Variants in RXFP1 observed in about 807,000 individuals in gnomAD.
RXFP1 encodes relaxin family peptide receptor 1.
RXFP1 carries 73 observed loss-of-function variants against 89.8 expected under a neutral mutation model. The observed-to-expected ratio is 0.81, with a 90% confidence interval of 0.67 to 0.99. The LOEUF is 0.99. Among genes scored for constraint, RXFP1 ranks in the 50% least tolerant of loss-of-function variants. The probability of loss-of-function intolerance (pLI) is 0.00; values close to 1 mark genes in which losing one functional copy is unlikely to be tolerated. For missense variants in RXFP1, 793 were observed against 895.5 expected, an observed-to-expected ratio of 0.89 and a Z score of 1.46; for synonymous variants, 277 against 305.5, an observed-to-expected ratio of 0.91 and a Z score of 0.97.
chr4:158,522,487 T>G (rs1741428002), intron 1 of RXFP1, among the ~76,000 whole-genome samples: 1 of 152,184 alleles, frequency 6.6e-6, no homozygotes, highest in Non-Finnish European at 1.5e-5. Flanking sequence ...AAAACTCTTT[T>G]TATTTAGCAA....
At position 158,599,330 on chromosome 4, in the gene RXFP1, C is replaced by A. The variant is rs371018779; in HGVS notation, c.291C>A (p.Val97=). 1.1e-5 allele frequency: 18 copies of A among 1,613,610 alleles called. No homozygotes were observed. The highest frequency in any genetic ancestry group is 1.7e-5 in the Admixed American group (1 of 59,968). Reference sequence around the variant, plus strand: ...TACCACTTCCCCTTGATTCAGTGGTCGGTTCTGTGCCAGTGCAATGTCTTT... The same window carrying A: ...TACCACTTCCCCTTGATTCAGTGGTAGGTTCTGTGCCAGTGCAATGTCTTT... ...PFEAETPECL[V]GSVPVQCLCQ... The change falls in exon 4 of 18, where the codon GTC becomes GTA. Residue 97 remains valine (V), a synonymous_variant. Coordinates refer to ENST00000307765, the MANE Select transcript of RXFP1 (RefSeq NM_021634.4).
intron 1 of RXFP1, among the ~76,000 whole-genome samples, chr4:158,546,794 G>A (rs2149861942): frequency 6.6e-6 from 1 of 152,024 alleles, no homozygotes; most frequent in Admixed American, 6.6e-5. Context: ...TCCCAGGGAT[G>A]AAGCCCACTT....
intron 9 of RXFP1, among the ~76,000 whole-genome samples, chr4:158,618,535 G>C (rs1414645263): frequency 6.6e-6 from 1 of 151,888 alleles, no homozygotes; most frequent in Admixed American, 6.6e-5. Flanking sequence ...ATTCCTGATA[G>C]TGAATATTAT....
chr4:158,574,276 G>A (rs548397971), intron 2 of RXFP1, among the ~76,000 whole-genome samples: 11 of 152,240 alleles, frequency 7.2e-5, no homozygotes, highest in African/African-American at 2.6e-4. Flanking sequence ...TGCTAATGAG[G>A]CCTTGCTGTG....
At chr4:158,596,489 A>G (rs1760637440) in intron 3 of RXFP1, among the ~76,000 whole-genome samples, 1 of 151,868 alleles carries the variant, frequency 6.6e-6, no homozygotes, top group Admixed American at 6.6e-5. Flanking sequence ...TGAACTCCCA[A>G]CCTCAGGTGA....
rs539868608 is a variant in RXFP1 at position 158,567,646 on chromosome 4, A to G, written c.50-5052A>G. Among the ~76,000 whole-genome samples the G allele has an allele frequency of 6.6e-5, 10 of 152,280 alleles. No homozygotes were observed. The South Asian group carries it at 2.1e-3, about 32-fold the overall frequency. On this transcript the variant is annotated intron_variant, in intron 1 of 17. Coordinates refer to ENST00000307765, the MANE Select transcript of RXFP1 (RefSeq NM_021634.4). Reference sequence around the variant, plus strand: ...CCAATCAGCACTCTGTGTCTAGCTCAGGGTTTGTAAATACACCAATTGGTA... The same window carrying G: ...CCAATCAGCACTCTGTGTCTAGCTCGGGGTTTGTAAATACACCAATTGGTA...
chr4:158,628,754 G>A, intron 11 of RXFP1, 45 bp downstream of exon 11: 3 of 1,032,142 alleles, frequency 2.9e-6, no homozygotes, highest in African/African-American at 3.2e-5. Flanking sequence ...TCTTTCTACT[G>A]TTTTTTCACA....
intron 1 of RXFP1, among the ~76,000 whole-genome samples, chr4:158,538,251 C>T (rs968327584): frequency 1.8e-4 from 27 of 152,056 alleles, no homozygotes; most frequent in African/African-American, 6.5e-4. Context: ...TTGAAAGATC[C>T]CTCTGGCTGC....
intron 14 of RXFP1, among the ~76,000 whole-genome samples, chr4:158,642,813 G>C (rs533528486): frequency 6.6e-6 from 1 of 152,280 alleles, no homozygotes; most frequent in Non-Finnish European, 1.5e-5. Context: ...GACACACAGG[G>C]AGTGAGGTTA....
chr4:158,636,986 T>C (rs984024543), intron 12 of RXFP1, among the ~76,000 whole-genome samples: 1 of 152,172 alleles, frequency 6.6e-6, no homozygotes, highest in Non-Finnish European at 1.5e-5. Flanking sequence ...ATAAATGAGA[T>C]CATGTGGTAA....
chr4:158,646,594 A>G (rs890892156), intron 15 of RXFP1, 197 bp from the exon 16 acceptor site: 27 of 1,400,056 alleles, frequency 1.9e-5, no homozygotes, highest in Non-Finnish European at 2.4e-5. Flanking sequence ...GTAGAGAGTA[A>G]CTTTGAGAGT....
chr4:158,586,167 GCT>G (rs1249896937), intron 2 of RXFP1, among the ~76,000 whole-genome samples: 1 of 152,184 alleles, frequency 6.6e-6, no homozygotes, highest in Non-Finnish European at 1.5e-5. Context: ...AAATGCCCCA[GCT>G]CTCAGTTTTT....
intron 1 of RXFP1, among the ~76,000 whole-genome samples, chr4:158,557,522 C>T (rs1000462833): frequency 2.6e-5 from 4 of 152,184 alleles, no homozygotes; most frequent in Admixed American, 2.6e-4. Flanking sequence ...GGCAGGGTCT[C>T]CTCTGTCACC....
At chr4:158,634,694 A>C (rs1381548582) in intron 12 of RXFP1, among the ~76,000 whole-genome samples, 1 of 152,114 alleles carries the variant, frequency 6.6e-6, no homozygotes, top group Non-Finnish European at 1.5e-5. Context: ...ATCCATTTTG[A>C]GTTAACTTAT....
At chr4:158,541,514 A>G (rs1746627316) in intron 1 of RXFP1, among the ~76,000 whole-genome samples, 2 of 152,318 alleles carry the variant, frequency 1.3e-5, no homozygotes, top group Middle Eastern at 3.4e-3. Flanking sequence ...CTCCAAGTTT[A>G]AAATATAAAA....
intron 1 of RXFP1, among the ~76,000 whole-genome samples, chr4:158,531,148 A>G (rs1253479552): frequency 6.6e-6 from 1 of 152,030 alleles, no homozygotes; most frequent in African/African-American, 2.4e-5. Context: ...CAATCCTCCC[A>G]ACTAAGCCTC....
chr4:158,627,502 A>AGG (rs1220012454), intron 10 of RXFP1, among the ~76,000 whole-genome samples: 10 of 105,908 alleles, frequency 9.4e-5, no homozygotes, highest in African/African-American at 3.8e-4. Context: ...CATGAGCCTT[A>AGG]GGGTGTGTGT....
chr4:158,614,328 C>A (rs1268963286), intron 8 of RXFP1, among the ~76,000 whole-genome samples: 1 of 152,192 alleles, frequency 6.6e-6, no homozygotes, highest in Non-Finnish European at 1.5e-5. Context: ...GACTTCTCCT[C>A]TCTAGCTATG....
intron 10 of RXFP1, 61 bp downstream of exon 10, chr4:158,626,952 A>T: frequency 1.1e-6 from 1 of 880,846 alleles, no homozygotes; most frequent in Non-Finnish European, 1.7e-6. Flanking sequence ...AAATTTAAAA[A>T]CACCCATTTT....
Sources: gnomAD v4.1 joint callset for allele counts (sites outside exome capture counted in the v4.1 genomes callset) on GRCh38, gnomAD v4.1.1 for gene constraint, MANE v1.5 for transcripts, NCBI Gene and HGNC (gene_info 2026-07-23, HGNC 2026-07-21) for gene names.